SGO2: variants seen among roughly 807,000 people sequenced by gnomAD.
SGO2 encodes the protein shugoshin-like 2.
A neutral mutation model predicts 99.5 loss-of-function variants in SGO2; 68 were observed. The ratio of observed to expected loss-of-function variants is 0.68; its 90% CI spans 0.56 to 0.84. SGO2 has a LOEUF of 0.84. Ranked by LOEUF, SGO2 falls within the 40% of genes least tolerant of loss-of-function variation. SGO2 has a pLI of 0.00. For synonymous variants in SGO2, 457 were observed against 487.1 expected (o/e 0.94, Z 0.81); for missense variants, 1,350 against 1,436.7 (o/e 0.94, Z 0.97).
chr2:200,538,304 G>C (rs1416058553), intron 4 of SGO2, among the ~76,000 whole-genome samples: 1 of 152,092 alleles, frequency 6.6e-6, no homozygotes, highest in East Asian at 1.9e-4. Context: ...CACTCCCTCA[G>C]AGGTGAGCTG....
intron 8 of SGO2, among the ~76,000 whole-genome samples, chr2:200,579,053 A>G (rs1472515489): frequency 6.6e-6 from 1 of 152,220 alleles, no homozygotes; most frequent in Non-Finnish European, 1.5e-5. Context: ...TATAACAACC[A>G]AAAATGTCTC....
At chr2:200,579,327 C>A (rs1312582038) in intron 8 of SGO2, among the ~76,000 whole-genome samples, 1 of 152,174 alleles carries the variant, frequency 6.6e-6, no homozygotes, top group Non-Finnish European at 1.5e-5. Flanking sequence ...AGTTTTACTT[C>A]ATTACCCTGT....
At chr2:200,545,008 T>C (rs775680271) in intron 5 of SGO2, among the ~76,000 whole-genome samples, 3 of 152,170 alleles carry the variant, frequency 2.0e-5, no homozygotes, top group Non-Finnish European at 2.9e-5. Context: ...GTTCTTTGTA[T>C]ACATATTTTT....
intron 5 of SGO2, among the ~76,000 whole-genome samples, chr2:200,549,678 A>G (rs1473608492): frequency 1.3e-5 from 2 of 152,204 alleles, no homozygotes; most frequent in African/African-American, 4.8e-5. Flanking sequence ...ATAGATGCCA[A>G]ACAGCTTTTG....
intron 5 of SGO2, among the ~76,000 whole-genome samples, chr2:200,553,866 G>C (rs2032595972): frequency 6.6e-6 from 1 of 152,076 alleles, no homozygotes; most frequent in Non-Finnish European, 1.5e-5. Context: ...GGGCCTGTCA[G>C]AAAATGACAT....
intron 4 of SGO2, among the ~76,000 whole-genome samples, chr2:200,540,513 T>C (rs842936): frequency 0.79 from 120,495 of 151,972 alleles, 47,995 homozygotes; most frequent in Non-Finnish European, 0.83. Context: ...CAGGGAAGGG[T>C]GCACCTCATT....
intron 4 of SGO2, 104 bp from the exon 5 acceptor site, chr2:200,542,475 A>C: frequency 1.3e-6 from 1 of 756,350 alleles, no homozygotes; most frequent in Admixed American, 2.8e-5. Flanking sequence ...AAATGCAAAA[A>C]TTGTTCTTTT....
At chr2:200,552,999 G>A (rs1373601836) in intron 5 of SGO2, among the ~76,000 whole-genome samples, 1 of 152,086 alleles carries the variant, frequency 6.6e-6, no homozygotes, top group East Asian at 1.9e-4. Flanking sequence ...GTTGTAGAGG[G>A]ACGAAAATTC....
At chr2:200,569,983 T>A in intron 6 of SGO2, 91 bp downstream of exon 6, 1 of 818,986 alleles carries the variant, frequency 1.2e-6, no homozygotes, top group South Asian at 1.7e-5. Flanking sequence ...TAACAGTTAA[T>A]AAGTTAGCTC....
intron 4 of SGO2, 71 bp downstream of exon 4, chr2:200,536,213 C>A: frequency 1.1e-6 from 1 of 942,796 alleles, no homozygotes; most frequent in Non-Finnish European, 1.6e-6. Flanking sequence ...ACTTAAATAA[C>A]ATCAAGGTTA....
intron 5 of SGO2, among the ~76,000 whole-genome samples, chr2:200,567,115 T>G (rs1191989309): frequency 1.3e-5 from 2 of 152,222 alleles, no homozygotes; most frequent in Non-Finnish European, 2.9e-5. Flanking sequence ...GAGATGAACC[T>G]GGTACCTCAG....
chr2:200,550,926 G>T lies in SGO2; in HGVS notation c.473+8262G>T, dbSNP rs376161564. Reference sequence around the variant, plus strand: ...ACCCATATAATGTGAGAAAATATTTGCAAACTGTCTCTCTGAGAAAGGATT... The same window carrying T: ...ACCCATATAATGTGAGAAAATATTTTCAAACTGTCTCTCTGAGAAAGGATT... On this transcript the variant is annotated intron_variant, in intron 5 of 8. Transcript: ENST00000357799. Among the ~76,000 whole-genome samples, 231 of 151,554 alleles carry T rather than the reference G, an allele frequency of 1.5e-3. 1 individual carries two copies. The highest frequency in any genetic ancestry group is 5.3e-3 in the African/African-American group (217 of 41,276).
intron 5 of SGO2, among the ~76,000 whole-genome samples, chr2:200,562,888 T>G (rs936275350): frequency 1.3e-5 from 2 of 152,214 alleles, no homozygotes; most frequent in Admixed American, 1.3e-4. Flanking sequence ...GGAATGCTTG[T>G]GATTTTTGCA....
intron 4 of SGO2, among the ~76,000 whole-genome samples, chr2:200,538,791 T>C (rs1208813581): frequency 2.6e-5 from 4 of 152,194 alleles, no homozygotes; most frequent in Admixed American, 1.3e-4. Flanking sequence ...TTAGGTGGCT[T>C]AGTATGATTA....
At chr2:200,568,464 C>G (rs539702720) in intron 5 of SGO2, among the ~76,000 whole-genome samples, 1 of 152,282 alleles carries the variant, frequency 6.6e-6, no homozygotes, top group African/African-American at 2.4e-5. Context: ...TAAGCAACAT[C>G]TGAAATCTCA....
At chr2:200,568,650 C>A (rs1434471229) in intron 5 of SGO2, among the ~76,000 whole-genome samples, 1 of 152,120 alleles carries the variant, frequency 6.6e-6, no homozygotes, top group Admixed American at 6.5e-5. Flanking sequence ...GCCCTGAATT[C>A]TAACCTTGAA....
chr2:200,560,317 T>G (rs2032889263), intron 5 of SGO2, among the ~76,000 whole-genome samples: 1 of 152,200 alleles, frequency 6.6e-6, no homozygotes, highest in Non-Finnish European at 1.5e-5. Context: ...ATGATATATC[T>G]TTTTCTATAC....
At chr2:200,555,557 G>C (rs1184941515) in intron 5 of SGO2, among the ~76,000 whole-genome samples, 1 of 152,106 alleles carries the variant, frequency 6.6e-6, no homozygotes, top group Non-Finnish European at 1.5e-5. Context: ...CCCATTCTGT[G>C]ATTAGCCCAT....
rs189735620 is a variant in SGO2, at chr2:200,555,457, C to T, written c.473+12793C>T. 3.5e-4 allele frequency among the ~76,000 whole-genome samples: 54 copies of T among 152,266 alleles called. 1 individual carries two copies. The highest frequency in any genetic ancestry group is 1.3e-3 in the African/African-American group (53 of 41,528). On this transcript the variant is annotated intron_variant, in intron 5 of 8. Transcript: ENST00000357799. Reference sequence around the variant, plus strand: ...AAGGGTCCCATTTTTATACCAGATCCTAGATCCCAAAAAATGAGAAATGCT... The same window carrying T: ...AAGGGTCCCATTTTTATACCAGATCTTAGATCCCAAAAAATGAGAAATGCT...
Sources: gnomAD v4.1 joint callset for allele counts (sites outside exome capture counted in the v4.1 genomes callset) on GRCh38, gnomAD v4.1.1 for gene constraint, MANE v1.5 for transcripts, NCBI Gene and HGNC (gene_info 2026-07-23, HGNC 2026-07-21) for gene names.